SLC43A2: variants seen among roughly 807,000 people sequenced by gnomAD.
The protein encoded by SLC43A2 is solute carrier family 43 member 2.
SLC43A2 carries 38 observed loss-of-function variants against 63.2 expected under a neutral mutation model. The ratio of observed to expected loss-of-function variants is 0.60; its 90% CI spans 0.46 to 0.79. The LOEUF (loss-of-function observed/expected upper bound fraction) is 0.79. SLC43A2 is among the 30% of genes least tolerant of loss of function. SLC43A2 has a pLI of 0.00. For synonymous variants in SLC43A2, 322 were observed against 331.0 expected, an observed-to-expected ratio of 0.97 and a Z score of 0.30; for missense variants, 644 against 756.2, an observed-to-expected ratio of 0.85 and a Z score of 1.74.
At chr17:1,622,237 A>G (rs1397250679) in intron 2 of SLC43A2, among the ~76,000 whole-genome samples, 1 of 152,240 alleles carries the variant, frequency 6.6e-6, no homozygotes, top group Non-Finnish European at 1.5e-5. Flanking sequence ...TAAAAGTCAT[A>G]TTTATAGCAA....
rs1469465260 is a variant in SLC43A2, at chr17:1,578,591, G to T, written c.1351-268C>A. On this transcript the variant is annotated intron_variant, in intron 11 of 13. Transcript: ENST00000301335. This position sits in a 1 kb window ranked among gnomAD's most constrained non-coding sequence, Gnocchi z 6.5. ...CGCCCAGGCTGGAGTGCAGTGGCGT[G>T]ATCTTGGCTCACTGCAAGCTTCGCC... The T allele has an allele frequency of 9.1e-6, 4 of 437,278 alleles. No individual in the cohort carries two copies. In the East Asian group the frequency reaches 1.5e-4, roughly 16 times the overall value. 27.1% of individuals were successfully genotyped at this position (437,278 alleles called of 1,614,324 possible). A position where few individuals can be genotyped will look rare whatever the true frequency, so the allele number is the denominator to read the frequency against.
intron 2 of SLC43A2, among the ~76,000 whole-genome samples, chr17:1,626,651 C>A (rs1224055204): frequency 2.0e-5 from 3 of 152,174 alleles, no homozygotes; most frequent in Non-Finnish European, 4.4e-5. Context: ...TTACACCCAG[C>A]ATGAGCTGGT....
At chr17:1,603,011 AGC>A (rs1371608885) in intron 5 of SLC43A2, 1 of 151,962 alleles carries the variant, frequency 6.6e-6, no homozygotes, top group Non-Finnish European at 1.5e-5. Context: ...CACCCGCCTC[AGC>A]CTCCCAAAGT....
At chr17:1,607,290 T>C (rs1010790317) in intron 5 of SLC43A2, among the ~76,000 whole-genome samples, 5 of 152,270 alleles carry the variant, frequency 3.3e-5, no homozygotes, top group Admixed American at 3.3e-4. Context: ...GAAAGTGCCA[T>C]TGTGCCCTGA....
In SLC43A2 at chr17:1,583,718, C is replaced by T; in HGVS notation, c.1218-382G>A. The T allele has an allele frequency of 4.7e-6, 1 of 211,636 alleles. No individual in the cohort carries two copies. The highest frequency in any genetic ancestry group is 9.7e-6 in the Non-Finnish European group (1 of 102,600). 13.1% of individuals were successfully genotyped at this position (211,636 alleles called of 1,614,324 possible). On this transcript the variant is annotated intron_variant, in intron 10 of 13. Coordinates refer to ENST00000301335, the MANE Select transcript of SLC43A2 (RefSeq NM_152346.3). The surrounding 1 kb of genome is among the most constrained non-coding windows in gnomAD (Gnocchi z 5.5). ...AATCTTGCAGGACGCTGATAAGAAG[C>T]CAGATACAAGCCAAATAGGGGAGTG...
At chr17:1,591,727 GGGGGGGA>G in intron 6 of SLC43A2, 28 bp from the exon 7 acceptor site, 1 of 968,410 alleles carries the variant, frequency 1.0e-6, no homozygotes, top group Non-Finnish European at 1.5e-6. Context: ...GACGGGGTGG[GGGGGGGA>G]GGGGGCAGAG....
chr17:1,600,152 A>ATATATATATATTTTTT (rs1216616243), intron 5 of SLC43A2, among the ~76,000 whole-genome samples: 1 of 60,272 alleles, frequency 1.7e-5, no homozygotes, highest in African/African-American at 5.4e-5. Context: ...ATATATATAT[A>ATATATATATATTTTTT]TTTTTTTTTT....
Position 1,577,206 on chromosome 17 carries a change from C to A in SLC43A2, c.1425-486G>T, listed in dbSNP as rs2075947686. Among the ~76,000 whole-genome samples the A allele has an allele frequency of 1.3e-5, 2 of 152,206 alleles. No individual in the cohort carries two copies. Among genetic ancestry groups the A allele is most frequent in the South Asian group, 4.1e-4 (2 of 4,828 alleles). ...AAAGTGTTTCTCTTTGGACCAGCTC[C>A]AGGCCCCAGACTCTGGGGAGGGCCC... On this transcript the variant is annotated intron_variant, in intron 12 of 13. Transcript: ENST00000301335. The surrounding 1 kb of genome is among the most constrained non-coding windows in gnomAD (Gnocchi z 4.9).
intron 13 of SLC43A2, 61 bp from the exon 14 acceptor site, chr17:1,575,826 G>A (rs1473203821): frequency 4.7e-5 from 71 of 1,523,190 alleles, no homozygotes; most frequent in Non-Finnish European, 5.1e-5. Flanking sequence ...CTGCAGACCC[G>A]CCCTCCACTC....
chr17:1,581,980 TA>T (rs1165391585), intron 11 of SLC43A2, among the ~76,000 whole-genome samples: 1 of 151,728 alleles, frequency 6.6e-6, no homozygotes, highest in Admixed American at 6.6e-5. Flanking sequence ...CTAATTTTTG[TA>T]ATTTTAGTAG....
chr17:1,580,526 C>T (rs767811453), intron 11 of SLC43A2, among the ~76,000 whole-genome samples: 6 of 152,090 alleles, frequency 3.9e-5, no homozygotes, highest in Non-Finnish European at 7.4e-5. Context: ...AGTGTTTCTT[C>T]GCTTTTTGTT....
intron 2 of SLC43A2, among the ~76,000 whole-genome samples, chr17:1,617,817 G>C (rs1034292357): frequency 6.6e-6 from 1 of 152,178 alleles, no homozygotes; most frequent in Admixed American, 6.6e-5. Context: ...CCCCTTCAAA[G>C]TCCACCCAGC....
Position 1,605,289 on chromosome 17 carries a change from C to G in SLC43A2, c.501+7906G>C. On this transcript the variant is annotated intron_variant, in intron 5 of 13. Coordinates refer to ENST00000301335, the MANE Select transcript of SLC43A2 (RefSeq NM_152346.3). The surrounding 1 kb of genome is among the most constrained non-coding windows in gnomAD (Gnocchi z 4.9). ...AAACAGGCCGGACTGTGTGACCTTC[C>G]CAGAGGGGAAAACAGCAGCTGCAGG... 2 of 991,768 alleles carry G rather than the reference C, an allele frequency of 2.0e-6. No homozygotes were observed. Among genetic ancestry groups the G allele is most frequent in the Non-Finnish European group, 1.2e-6 (1 of 820,668 alleles). The allele number at this position is 991,768 out of a possible 1,614,324, so 61.4% of individuals were successfully genotyped here. A position where few individuals can be genotyped will look rare whatever the true frequency, so the allele number is the denominator to read the frequency against.
chr17:1,601,388 G>C (rs756913529), intron 5 of SLC43A2, among the ~76,000 whole-genome samples: 1 of 151,966 alleles, frequency 6.6e-6, no homozygotes, highest in Non-Finnish European at 1.5e-5. Flanking sequence ...TGGCTAATAA[G>C]CACTCAGGCC....
chr17:1,604,637 C>T (rs2151063808), intron 5 of SLC43A2: 1 of 1,244,540 alleles, frequency 8.0e-7, no homozygotes, highest in Non-Finnish European at 1.1e-6. Context: ...GCCTCCTGAG[C>T]AGCTGAGACT....
intron 5 of SLC43A2, among the ~76,000 whole-genome samples, chr17:1,612,411 C>T (rs561744676): frequency 2.4e-4 from 36 of 152,290 alleles, no homozygotes; most frequent in Non-Finnish European, 4.4e-4. Flanking sequence ...TGTCTGTGCC[C>T]GGGCACGGAG....
chr17:1,625,559 C>T (rs1036234997), intron 2 of SLC43A2, among the ~76,000 whole-genome samples: 16 of 152,170 alleles, frequency 1.1e-4, no homozygotes, highest in African/African-American at 3.9e-4. Context: ...GAAACCTTCA[C>T]CCTAACTTCG....
At chr17:1,602,925 A>G (rs1204675288) in intron 5 of SLC43A2, among the ~76,000 whole-genome samples, 1 of 151,344 alleles carries the variant, frequency 6.6e-6, no homozygotes, top group Non-Finnish European at 1.5e-5. Context: ...CACCCGGCTA[A>G]TTTTTGTATT....
intron 4 of SLC43A2, 73 bp from the exon 5 acceptor site, chr17:1,613,344 C>A: frequency 7.2e-7 from 1 of 1,397,402 alleles, no homozygotes; most frequent in Non-Finnish European, 1.0e-6. Context: ...AGCCCAGAGT[C>A]CTGCGCGGTG....
Sources: gnomAD v4.1 joint callset for allele counts (sites outside exome capture counted in the v4.1 genomes callset) on GRCh38, gnomAD v4.1.1 for gene constraint, Gnocchi (gnomAD v3.1) non-coding constraint, MANE v1.5 for transcripts, NCBI Gene and HGNC (gene_info 2026-07-23, HGNC 2026-07-21) for gene names.